Variants in DENND4C observed in about 807,000 individuals in gnomAD.
The protein encoded by DENND4C is DENN domain containing 4C.
A neutral mutation model predicts 203.0 loss-of-function variants in DENND4C; 108 were observed. The observed-to-expected ratio is 0.53, with a 90% CI of 0.46 to 0.62. The LOEUF is 0.62. Among genes scored for constraint, DENND4C ranks in the 20% least tolerant of loss-of-function variants. The pLI, the probability that DENND4C is intolerant of heterozygous loss-of-function variation, is 0.00. For synonymous variants in DENND4C, 871 were observed against 792.4 expected, an observed-to-expected ratio of 1.10 and a Z score of -1.67; for missense variants, 2,481 against 2,301.2, an observed-to-expected ratio of 1.08 and a Z score of -1.60.
intron 1 of DENND4C, among the ~76,000 whole-genome samples, chr9:19,272,433 C>CAAAAACA (rs1588803530): frequency 2.6e-5 from 4 of 150,988 alleles, no homozygotes; most frequent in Admixed American, 2.6e-4. Flanking sequence ...AAAACAAAAA[C>CAAAAACA]AAAAACAAAA....
At chr9:19,345,198 C>G (rs1423652361) in intron 22 of DENND4C, among the ~76,000 whole-genome samples, 8 of 152,148 alleles carry the variant, frequency 5.3e-5, no homozygotes, top group African/African-American at 1.9e-4. Flanking sequence ...GCATGGTAGC[C>G]AAGAGTAAAA....
intron 1 of DENND4C, among the ~76,000 whole-genome samples, chr9:19,256,290 CTTTTCTGTTTTT>C (rs1827903370): frequency 7.6e-6 from 1 of 131,534 alleles, no homozygotes; most frequent in Non-Finnish European, 1.6e-5. Context: ...TCTTTTTTTT[CTTTTCTGTTTTT>C]TTTTTTGTTT....
At chr9:19,268,754 T>TCATA (rs1831029172) in intron 1 of DENND4C, among the ~76,000 whole-genome samples, 1 of 152,138 alleles carries the variant, frequency 6.6e-6, no homozygotes, top group Non-Finnish European at 1.5e-5. Flanking sequence ...TTTAAATATG[T>TCATA]CATACACTCT....
At chr9:19,266,611 A>G (rs971366497) in intron 1 of DENND4C, among the ~76,000 whole-genome samples, 3 of 152,216 alleles carry the variant, frequency 2.0e-5, no homozygotes, top group African/African-American at 7.2e-5. Context: ...ACAGCATGGT[A>G]CTGGTACCAA....
chr9:19,350,205 AGCCGAAAT>A (rs1823773076), intron 23 of DENND4C, among the ~76,000 whole-genome samples: 1 of 152,222 alleles, frequency 6.6e-6, no homozygotes, highest in Non-Finnish European at 1.5e-5. Context: ...TCAGATTCCC[AGCCGAAAT>A]TATCACAGCA....
intron 1 of DENND4C, among the ~76,000 whole-genome samples, chr9:19,249,077 C>T (rs1259903357): frequency 6.6e-6 from 1 of 152,120 alleles, no homozygotes; most frequent in African/African-American, 2.4e-5. Context: ...AGGTGTGAGC[C>T]ACCATGCCCG....
chr9:19,311,898 A>AAT (rs1840809222), intron 10 of DENND4C, among the ~76,000 whole-genome samples: 1 of 152,168 alleles, frequency 6.6e-6, no homozygotes, highest in South Asian at 2.1e-4. Context: ...CAAAATTACA[A>AAT]ATATATATAC....
chr9:19,343,523 T>G (rs1300960699), intron 22 of DENND4C, among the ~76,000 whole-genome samples: 4 of 152,384 alleles, frequency 2.6e-5, no homozygotes, highest in African/African-American at 9.6e-5. Context: ...GTTCAGCTTC[T>G]TAAACCAATG....
chr9:19,251,421 C>G (rs1173525987), intron 1 of DENND4C, among the ~76,000 whole-genome samples: 1 of 152,226 alleles, frequency 6.6e-6, no homozygotes, highest in Non-Finnish European at 1.5e-5. Context: ...ATGGGAGAGG[C>G]TGCTGTGAAG....
chr9:19,334,296 C>T (rs1819930388), intron 17 of DENND4C, among the ~76,000 whole-genome samples: 1 of 152,070 alleles, frequency 6.6e-6, no homozygotes, highest in African/African-American at 2.4e-5. Flanking sequence ...GGTGATCTGC[C>T]TGCCTGGGCC....
chr9:19,336,184 T>C, intron 18 of DENND4C, 86 bp from the exon 19 acceptor site: 1 of 1,208,666 alleles, frequency 8.3e-7, no homozygotes, highest in South Asian at 1.8e-5. Flanking sequence ...TATATATATA[T>C]AAACATACAC....
rs533891349 is a variant in DENND4C, at chr9:19,339,172, A to C, written c.2882-1820A>C. Among the ~76,000 whole-genome samples, 15 of 152,294 alleles carry C rather than the reference A, an allele frequency of 9.8e-5. No homozygotes were observed. The South Asian group carries it at 3.1e-3, about 32-fold the overall frequency. ...TTCCTAAGTCATGTGAGCAGGTTAC[A>C]TACATCTTGCCCTTTTACCTCTTTA... On this transcript the variant is annotated intron_variant, in intron 20 of 32. Transcript: ENST00000434457.
chr9:19,273,192 C>G (rs1832129360), intron 1 of DENND4C, among the ~76,000 whole-genome samples: 1 of 151,718 alleles, frequency 6.6e-6, no homozygotes, highest in African/African-American at 2.4e-5. Flanking sequence ...ACCTCGTGAT[C>G]CACCTGCCTC....
intron 17 of DENND4C, 31 bp from the exon 18 acceptor site, chr9:19,334,946 A>G (rs1252381419): frequency 1.2e-5 from 19 of 1,570,384 alleles, no homozygotes; most frequent in Non-Finnish European, 1.6e-5. Flanking sequence ...TAGTATACTA[A>G]TTACTGACAC....
chr9:19,306,763 A>G (rs1354875301), intron 10 of DENND4C, among the ~76,000 whole-genome samples: 2 of 142,328 alleles, frequency 1.4e-5, no homozygotes. Flanking sequence ...TTATTTATTT[A>G]TTTATTTATT....
At chr9:19,320,558 C>A (rs971032057) in intron 12 of DENND4C, among the ~76,000 whole-genome samples, 1 of 152,168 alleles carries the variant, frequency 6.6e-6, no homozygotes, top group African/African-American at 2.4e-5. Flanking sequence ...GGGTCAGTTA[C>A]ATTTCAAGTG....
intron 32 of DENND4C, 101 bp from the exon 33 acceptor site, chr9:19,371,932 AATAT>A: frequency 1.5e-6 from 2 of 1,342,446 alleles, no homozygotes; most frequent in Non-Finnish European, 2.1e-6. Flanking sequence ...TCTACTTCTA[AATAT>A]ATAGTTCAAA....
chr9:19,269,496 A>T (rs1831190234), intron 1 of DENND4C, among the ~76,000 whole-genome samples: 1 of 152,166 alleles, frequency 6.6e-6, no homozygotes, highest in African/African-American at 2.4e-5. Flanking sequence ...CTTCAAGCTC[A>T]TGATTTCTTT....
chr9:19,253,857 GT>G (rs1827259800), intron 1 of DENND4C, among the ~76,000 whole-genome samples: 1 of 152,076 alleles, frequency 6.6e-6, no homozygotes, highest in African/African-American at 2.4e-5. Flanking sequence ...AAACAGTAAG[GT>G]GGCTGAGCAA....
Sources: gnomAD v4.1 joint callset for allele counts (sites outside exome capture counted in the v4.1 genomes callset) on GRCh38, gnomAD v4.1.1 for gene constraint, MANE v1.5 for transcripts, NCBI Gene and HGNC (gene_info 2026-07-23, HGNC 2026-07-21) for gene names.